CNTN6: variants seen among roughly 807,000 people sequenced by gnomAD.
The protein encoded by CNTN6 is contactin 6.
CNTN6 carries 137 observed loss-of-function variants against 122.8 expected under a neutral mutation model. That is an observed-to-expected ratio of 1.12 (90% CI 0.97 to 1.29). CNTN6 has a LOEUF of 1.29. Among genes scored for constraint, CNTN6 ranks in the 50% most tolerant of loss-of-function variants. CNTN6 has a pLI of 0.00. For missense variants in CNTN6, 1,634 were observed against 1,223.4 expected, an observed-to-expected ratio of 1.34 and a Z score of -5.01; for synonymous variants, 570 against 426.0, an observed-to-expected ratio of 1.34 and a Z score of -4.16.
chr3:1,163,818 T>A (rs2093187830), intron 2 of CNTN6, among the ~76,000 whole-genome samples: 1 of 152,210 alleles, frequency 6.6e-6, no homozygotes, highest in Admixed American at 6.5e-5. Context: ...GGAGACAACC[T>A]GAAACACATG....
chr3:1,201,422 G>T (rs777948359), intron 2 of CNTN6, among the ~76,000 whole-genome samples: 1 of 151,924 alleles, frequency 6.6e-6, no homozygotes, highest in Non-Finnish European at 1.5e-5. Flanking sequence ...GTTTTGTTGA[G>T]ATTTGAATCA....
At chr3:1,212,951 G>C (rs571625998) in intron 2 of CNTN6, among the ~76,000 whole-genome samples, 3 of 152,118 alleles carry the variant, frequency 2.0e-5, no homozygotes, top group Non-Finnish European at 4.4e-5. Context: ...AAAAAGGAAT[G>C]ATATCAACTG....
At position 1,295,564 on chromosome 3, in the gene CNTN6, G is replaced by GGTTTTGTTTT. The variant is rs747708317; in HGVS notation, c.455-22_455-13dup. 3,028 of 1,522,504 alleles carry GGTTTTGTTTT rather than the reference G, an allele frequency of 2.0e-3. 48 individuals carry two copies. In the African/African-American group the frequency reaches 0.036, roughly 18 times the overall value. 94.3% of individuals were successfully genotyped at this position (1,522,504 alleles called of 1,614,324 possible). A position where few individuals can be genotyped will look rare whatever the true frequency, so the allele number is the denominator to read the frequency against. On this transcript the variant is annotated intron_variant, in intron 5 of 22. Transcript: ENST00000446702. ...TGAATGAATGCAGTAAGGACAGTATGGTTTTGTTTTGTTTTGTTTTGTTTC... is the reference window on the plus strand; with the variant it reads ...TGAATGAATGCAGTAAGGACAGTATGGTTTTGTTTTGTTTTGTTTTGTTTTGTTTTGTTTC...
chr3:1,304,789 C>G (rs907046075), intron 7 of CNTN6, among the ~76,000 whole-genome samples: 1 of 151,726 alleles, frequency 6.6e-6, no homozygotes, highest in Non-Finnish European at 1.5e-5. Flanking sequence ...GTCAGGAGTT[C>G]AAGACCAGCC....
intron 12 of CNTN6, among the ~76,000 whole-genome samples, chr3:1,368,749 T>C: frequency 6.6e-6 from 1 of 152,290 alleles, no homozygotes. Context: ...ACCAAAATCA[T>C]GTATTTTGTA....
intron 4 of CNTN6, among the ~76,000 whole-genome samples, chr3:1,277,096 T>C (rs577589520): frequency 6.6e-6 from 1 of 152,170 alleles, no homozygotes; most frequent in Non-Finnish European, 1.5e-5. Flanking sequence ...TGATCTCTGG[T>C]TAGACAAGCA....
chr3:1,199,119 A>G (rs1429062394), intron 2 of CNTN6, among the ~76,000 whole-genome samples: 1 of 151,124 alleles, frequency 6.6e-6, no homozygotes, highest in Non-Finnish European at 1.5e-5. Context: ...CCCTGCTGAC[A>G]CCTCGGTTTC....
At chr3:1,219,256 C>T (rs73002319) in intron 2 of CNTN6, among the ~76,000 whole-genome samples, 5 of 152,060 alleles carry the variant, frequency 3.3e-5, no homozygotes, top group Non-Finnish European at 5.9e-5. Flanking sequence ...GATTATTTAA[C>T]TTCAAGAGCA....
chr3:1,309,353 C>A (rs1698872751), intron 7 of CNTN6, among the ~76,000 whole-genome samples: 2 of 152,130 alleles, frequency 1.3e-5, no homozygotes, highest in Non-Finnish European at 2.9e-5. Flanking sequence ...AACATATGGA[C>A]TTCCAATCGT....
intron 5 of CNTN6, among the ~76,000 whole-genome samples, chr3:1,288,570 C>T (rs914133021): frequency 6.6e-6 from 1 of 152,140 alleles, no homozygotes; most frequent in African/African-American, 2.4e-5. Context: ...TAAATCTGAA[C>T]ACTATACTTC....
At chr3:1,300,122 G>A (rs1054264008) in intron 7 of CNTN6, among the ~76,000 whole-genome samples, 4 of 151,986 alleles carry the variant, frequency 2.6e-5, no homozygotes, top group East Asian at 1.9e-4. Flanking sequence ...GACTACAGGT[G>A]CCCGCCACCA....
At chr3:1,151,453 A>G (rs2092840874) in intron 2 of CNTN6, among the ~76,000 whole-genome samples, 1 of 138,208 alleles carries the variant, frequency 7.2e-6, no homozygotes, top group South Asian at 2.1e-4. Context: ...AACGTTTTAA[A>G]AGTTTTAAAT....
intron 7 of CNTN6, among the ~76,000 whole-genome samples, chr3:1,317,688 G>A (rs1700285534): frequency 6.6e-6 from 1 of 151,616 alleles, no homozygotes; most frequent in Non-Finnish European, 1.5e-5. Flanking sequence ...CATTCTGCAA[G>A]CAGTCCTGGA....
chr3:1,236,860 C>T (rs2094428926), intron 4 of CNTN6, among the ~76,000 whole-genome samples: 1 of 152,062 alleles, frequency 6.6e-6, no homozygotes, highest in Non-Finnish European at 1.5e-5. Context: ...GCGGGTGGAT[C>T]ACAAGGTCAG....
At chr3:1,321,619 T>C in intron 7 of CNTN6, 31 bp from the exon 8 acceptor site, 1 of 1,543,786 alleles carries the variant, frequency 6.5e-7, no homozygotes, top group South Asian at 1.2e-5. Flanking sequence ...GATTAAACCG[T>C]CTTCTATTCT....
At chr3:1,128,894 C>T (rs571756073) in intron 1 of CNTN6, among the ~76,000 whole-genome samples, 1 of 152,042 alleles carries the variant, frequency 6.6e-6, no homozygotes, top group East Asian at 1.9e-4. Flanking sequence ...TATTCAGTTC[C>T]ATAAAACCAT....
At chr3:1,245,321 T>TATATA (rs2094567148) in intron 4 of CNTN6, among the ~76,000 whole-genome samples, 1 of 43,928 alleles carries the variant, frequency 2.3e-5, no homozygotes, top group Non-Finnish European at 4.3e-5. Context: ...TATATATATA[T>TATATA]ATATATATAT....
chr3:1,384,772 CATATATATATAT>C (rs66929153), intron 19 of CNTN6, among the ~76,000 whole-genome samples: 1 of 120,920 alleles, frequency 8.3e-6, no homozygotes, highest in African/African-American at 3.3e-5. Flanking sequence ...TATATATACA[CATATATATATAT>C]ATATATATAT....
chr3:1,255,865 G>T (rs1575443255), intron 4 of CNTN6, among the ~76,000 whole-genome samples: 1 of 151,674 alleles, frequency 6.6e-6, no homozygotes, highest in Admixed American at 6.6e-5. Context: ...TTTTATTTTA[G>T]TTTTAGTTTT....
Sources: allele counts gnomAD v4.1 joint callset (sites outside exome capture counted in the v4.1 genomes callset), GRCh38; gene constraint gnomAD v4.1.1; transcripts MANE v1.5; gene names NCBI Gene and HGNC (gene_info 2026-07-23, HGNC 2026-07-21).